Variants in SLCO4C1 observed in about 807,000 individuals in gnomAD.
SLCO4C1 encodes the protein solute carrier organic anion transporter family member 4C1, also known as organic anion transporter M1.
SLCO4C1 carries 58 observed loss-of-function variants against 72.1 expected under a neutral mutation model. The observed-to-expected ratio is 0.80, with a 90% confidence interval of 0.65 to 1.00. The LOEUF (loss-of-function observed/expected upper bound fraction) is 1.00, where lower values mean the gene tolerates loss of function less well. SLCO4C1 is among the 50% of genes least tolerant of loss of function. The probability of loss-of-function intolerance (pLI) is 0.00; values close to 1 mark genes in which losing one functional copy is unlikely to be tolerated. For missense variants in SLCO4C1, 898 were observed against 857.9 expected, an observed-to-expected ratio of 1.05 and a Z score of -0.58; for synonymous variants, 297 against 312.5, an observed-to-expected ratio of 0.95 and a Z score of 0.52.
chr5:102,270,638 G>A lies in SLCO4C1; in HGVS notation c.788C>T (p.Ser263Phe). The A allele has an allele frequency of 3.1e-6, 5 of 1,610,662 alleles. No homozygotes were observed. The highest frequency in any genetic ancestry group is 1.1e-5 in the South Asian group (1 of 90,492). The change falls in exon 3 of 13, where the codon TCT becomes TTT. Residue 263 changes from serine to phenylalanine, a missense_variant. Ser to Phe is a radical substitution (Grantham distance 155, BLOSUM62 -2). Transcript: ENST00000310954. ...FLDDSVPTHK[S>F]SLYIGTGYAM... The stretch of plus-strand genomic sequence containing the variant: ...AGTAAACTTACCTATATAGAGAGAA[G>A]ACTTGTGTGTGGGCACAGAATCATC...
chr5:102,286,148 A>T (rs1030362172), intron 2 of SLCO4C1, among the ~76,000 whole-genome samples: 1 of 152,194 alleles, frequency 6.6e-6, no homozygotes, highest in South Asian at 2.1e-4. Flanking sequence ...CAATAAAAAA[A>T]AAATTAGAAA....
At position 102,240,622 on chromosome 5, in the gene SLCO4C1, T is replaced by C. The variant is rs910745715; in HGVS notation, c.1876+96A>G. ...ACAAGAATGATGTAGCCTTCCACTA[T>C]AATTTTTTTTGCCACAGGCCATAAA... On this transcript the variant is annotated intron_variant, in intron 11 of 12. Transcript: ENST00000310954. 5 of 897,826 alleles carry C rather than the reference T, an allele frequency of 5.6e-6. No homozygotes were observed. In the Admixed American group the frequency reaches 8.7e-5, roughly 16 times the overall value. 55.6% of individuals were successfully genotyped at this position (897,826 alleles called of 1,614,324 possible). A position where few individuals can be genotyped will look rare whatever the true frequency, so the allele number is the denominator to read the frequency against.
chr5:102,261,578 A>T (rs1748945059), intron 5 of SLCO4C1, among the ~76,000 whole-genome samples: 1 of 152,162 alleles, frequency 6.6e-6, no homozygotes, highest in Admixed American at 6.6e-5. Flanking sequence ...GAAATTAATG[A>T]CTAACTGAAT....
intron 6 of SLCO4C1, 72 bp from the exon 7 acceptor site, chr5:102,258,159 G>A: frequency 7.9e-7 from 1 of 1,260,340 alleles, no homozygotes; most frequent in South Asian, 2.0e-5. Context: ...TAGAAGGTTA[G>A]CATGATGAAA....
At chr5:102,272,101 C>A (rs73774611) in intron 2 of SLCO4C1, among the ~76,000 whole-genome samples, 3,846 of 152,214 alleles carry the variant, frequency 0.025, 164 homozygotes, top group African/African-American at 0.088. Flanking sequence ...TACAGGCATA[C>A]ATTGAGAAAG....
chr5:102,286,278 A>T (rs1749450755), intron 2 of SLCO4C1, among the ~76,000 whole-genome samples: 1 of 152,180 alleles, frequency 6.6e-6, no homozygotes, highest in South Asian at 2.1e-4. Context: ...ATTGGTCAAT[A>T]AATAAAAAGA....
At chr5:102,289,507 C>T (rs545738785) in intron 2 of SLCO4C1, among the ~76,000 whole-genome samples, 74 of 152,314 alleles carry the variant, frequency 4.9e-4, no homozygotes, top group Non-Finnish European at 1.0e-3. Context: ...GGCCCAGAAA[C>T]AGCACAAAGA....
At chr5:102,258,337 T>A (rs111693529) in intron 6 of SLCO4C1, among the ~76,000 whole-genome samples, 43 of 152,304 alleles carry the variant, frequency 2.8e-4, no homozygotes, top group African/African-American at 9.6e-4. Flanking sequence ...ATTTATTGCA[T>A]TCCAAGGGCT....
chr5:102,265,928 A>C (rs994777209), intron 3 of SLCO4C1, among the ~76,000 whole-genome samples: 1 of 151,772 alleles, frequency 6.6e-6, no homozygotes, highest in Non-Finnish European at 1.5e-5. Flanking sequence ...AACAATATTC[A>C]CTCTTTGAAT....
At chr5:102,288,769 G>A (rs1749500201) in intron 2 of SLCO4C1, among the ~76,000 whole-genome samples, 1 of 152,140 alleles carries the variant, frequency 6.6e-6, no homozygotes, top group African/African-American at 2.4e-5. Flanking sequence ...TATCTTTCAA[G>A]GTTAGCTCTT....
chr5:102,247,484 G>T, intron 9 of SLCO4C1, 42 bp from the exon 10 acceptor site: 17 of 1,315,832 alleles, frequency 1.3e-5, no homozygotes, highest in Non-Finnish European at 1.7e-5. Context: ...TGATCATTTA[G>T]AAAATAAATT....
chr5:102,267,555 C>A (rs779345096), intron 3 of SLCO4C1, among the ~76,000 whole-genome samples: 3 of 150,420 alleles, frequency 2.0e-5, no homozygotes, highest in Admixed American at 6.6e-5. Flanking sequence ...TTCCAAAAAA[C>A]CAATTTTCAT....
At chr5:102,285,258 T>TAC (rs1246320604) in intron 2 of SLCO4C1, among the ~76,000 whole-genome samples, 2 of 147,760 alleles carry the variant, frequency 1.4e-5, no homozygotes, top group South Asian at 4.2e-4. Context: ...CACACATATA[T>TAC]ACACACACAC....
At position 102,259,134 on chromosome 5, in the gene SLCO4C1, G is replaced by A. The variant is rs112994082; in HGVS notation, c.1129-1047C>T. Among the ~76,000 whole-genome samples the A allele has an allele frequency of 4.9e-3, 750 of 152,094 alleles. 3 individuals are homozygous for A. The highest frequency in any genetic ancestry group is 0.017 in the African/African-American group (712 of 41,516). On this transcript the variant is annotated intron_variant, in intron 6 of 12. Coordinates refer to ENST00000310954, the MANE Select transcript of SLCO4C1 (RefSeq NM_180991.5). ...ATATCCACAGACTACTGGGATTAAA[G>A]AGGAATGATCCAAAAGTATTCACCT... is the stretch of plus-strand genomic sequence containing the variant.
rs1469702707 is a variant in SLCO4C1, at chr5:102,270,658, A to G, written c.768T>C (p.Asp256=). The part of the protein sequence containing the change: ...LYTLGTAFLD[D]SVPTHKSSLY... ...GAGAAGACTTGTGTGTGGGCACAGA[A>G]TCATCAAGAAAGGCTGTTCCCAGAG... The change falls in exon 3 of 13, where the codon GAT becomes GAC. Residue 256 remains aspartate (D), a synonymous_variant. Transcript: ENST00000310954. The G allele has an allele frequency of 3.1e-6, 5 of 1,612,724 alleles. No individual in the cohort carries two copies. The highest frequency in any genetic ancestry group is 4.2e-6 in the Non-Finnish European group (5 of 1,179,346).
intron 10 of SLCO4C1, 69 bp downstream of exon 10, chr5:102,247,183 C>T: frequency 8.1e-7 from 1 of 1,234,346 alleles, no homozygotes; most frequent in Admixed American, 2.4e-5. Flanking sequence ...CCCAAATGAA[C>T]CCCGAGTCCA....
intron 1 of SLCO4C1, among the ~76,000 whole-genome samples, chr5:102,293,112 A>G (rs1022341445): frequency 6.6e-6 from 1 of 152,252 alleles, no homozygotes; most frequent in East Asian, 1.9e-4. Context: ...TTCAAAACTC[A>G]TGACATATTT....
intron 3 of SLCO4C1, among the ~76,000 whole-genome samples, chr5:102,267,952 T>C (rs1183912930): frequency 2.6e-5 from 4 of 152,092 alleles, no homozygotes; most frequent in African/African-American, 9.7e-5. Flanking sequence ...AGTCAGAGAA[T>C]ATACCTGATA....
chr5:102,281,112 T>C (rs1034439278), intron 2 of SLCO4C1, among the ~76,000 whole-genome samples: 7 of 152,236 alleles, frequency 4.6e-5, no homozygotes, highest in South Asian at 2.1e-4. Flanking sequence ...GTGATACATA[T>C]ATCAATGGAG....
Sources: gnomAD v4.1 joint callset for allele counts (sites outside exome capture counted in the v4.1 genomes callset) on GRCh38, gnomAD v4.1.1 for gene constraint, MANE v1.5 for transcripts, NCBI Gene and HGNC (gene_info 2026-07-23, HGNC 2026-07-21) for gene names.